Variants in STAB2 observed in about 807,000 individuals in gnomAD.
STAB2 encodes the protein stabilin-2.
In STAB2, 288 loss-of-function variants were observed where a neutral mutation model predicts 338.1. That is an observed-to-expected ratio of 0.85 (90% confidence interval 0.77 to 0.94). The LOEUF is 0.94. Among genes scored for constraint, STAB2 ranks in the 40% least tolerant of loss-of-function variants. STAB2 has a pLI of 0.00. For missense variants in STAB2, 3,141 were observed against 3,210.1 expected (o/e 0.98, Z 0.52); for synonymous variants, 1,202 against 1,193.3 (o/e 1.01, Z -0.15).
At chr12:103,714,530 T>C (rs1880145798) in intron 42 of STAB2, among the ~76,000 whole-genome samples, 1 of 152,038 alleles carries the variant, frequency 6.6e-6, no homozygotes, top group Non-Finnish European at 1.5e-5. Flanking sequence ...AAACCACATC[T>C]CTACTAAAAA....
At chr12:103,670,357 G>A (rs1565999903) in intron 21 of STAB2, among the ~76,000 whole-genome samples, 1 of 152,194 alleles carries the variant, frequency 6.6e-6, no homozygotes, top group South Asian at 2.1e-4. Context: ...TGGAGTCACA[G>A]AGCTGAGCAG....
intron 19 of STAB2, among the ~76,000 whole-genome samples, chr12:103,667,279 G>T (rs1875200436): frequency 6.6e-6 from 1 of 152,208 alleles, no homozygotes; most frequent in African/African-American, 2.4e-5. Context: ...GTCAAGCAGG[G>T]AATGTGAGAG....
chr12:103,615,630 C>G (rs1316600849), intron 3 of STAB2, among the ~76,000 whole-genome samples: 1 of 152,152 alleles, frequency 6.6e-6, no homozygotes, highest in Non-Finnish European at 1.5e-5. Flanking sequence ...TTAGTCCATT[C>G]TCACACTGCT....
At chr12:103,693,028 AT>A (rs1878091241) in intron 31 of STAB2, 139 bp downstream of exon 31, 1 of 570,766 alleles carries the variant, frequency 1.8e-6, no homozygotes, top group African/African-American at 1.9e-5. Context: ...CATGACTTTT[AT>A]TTTAAAACCA....
intron 21 of STAB2, among the ~76,000 whole-genome samples, chr12:103,669,999 T>A (rs1875594904): frequency 6.6e-6 from 1 of 152,234 alleles, no homozygotes; most frequent in African/African-American, 2.4e-5. Flanking sequence ...GCCTCCTGAT[T>A]GCTTTTTTGA....
intron 6 of STAB2, 103 bp downstream of exon 6, chr12:103,631,796 CT>C: frequency 9.4e-7 from 1 of 1,058,454 alleles, no homozygotes; most frequent in Non-Finnish European, 1.4e-6. Context: ...GGGCAAGGTA[CT>C]ACCAAAAGTT....
chr12:103,713,819 C>T (rs1880080984), intron 42 of STAB2, 51 bp downstream of exon 42: 4 of 1,603,770 alleles, frequency 2.5e-6, no homozygotes, highest in Non-Finnish European at 3.4e-6. Flanking sequence ...AGTCATAGCC[C>T]TATTAAATGA....
rs146232036 is a variant in STAB2 at position 103,614,939 on chromosome 12, T to C, written c.332-5529T>C. On this transcript the variant is annotated intron_variant, in intron 3 of 68. Transcript: ENST00000388887. ...ATCCCTATTTGGTAGGTGTTAAGTG[T>C]CAGGTTTTGCATAAAATTGTAGCAG... Among the ~76,000 whole-genome samples, 438 of 152,326 alleles carry C rather than the reference T, an allele frequency of 2.9e-3. 3 individuals carry two copies. Among genetic ancestry groups the C allele is most frequent in the African/African-American group, 9.5e-3 (393 of 41,572 alleles).
chr12:103,697,143 T>A (rs1317037475), intron 33 of STAB2, among the ~76,000 whole-genome samples: 1 of 152,200 alleles, frequency 6.6e-6, no homozygotes, highest in East Asian at 1.9e-4. Context: ...CCTGGCCACC[T>A]GAGGTGAGCT....
intron 23 of STAB2, 106 bp downstream of exon 23, chr12:103,674,193 A>T: frequency 7.8e-7 from 1 of 1,282,932 alleles, no homozygotes; most frequent in Admixed American, 2.2e-5. Flanking sequence ...CCCATATCTG[A>T]ACTCTGAACT....
chr12:103,761,663 C>A (rs1884551482), intron 66 of STAB2, among the ~76,000 whole-genome samples: 1 of 152,082 alleles, frequency 6.6e-6, no homozygotes, highest in Non-Finnish European at 1.5e-5. Flanking sequence ...GGATGGGCCA[C>A]CAAAGGAAGC....
rs1214196444 is a variant in STAB2, at chr12:103,669,625, C to T, written c.2257C>T (p.Gln753Ter). Residue 753 changes from glutamine to a stop codon, truncating the protein, a stop_gained and splice_region_variant, in exon 21 of 69, where the codon CAG becomes TAG. Coordinates refer to ENST00000388887, the MANE Select transcript of STAB2 (RefSeq NM_017564.10). LOFTEE classifies it high-confidence loss of function. ...CTCAAATCCATGCTCAGGAAATGGACAGGTGAATACTGAAGACTGGCCTTC... is the reference window on the plus strand; with the variant it reads ...CTCAAATCCATGCTCAGGAAATGGATAGGTGAATACTGAAGACTGGCCTTC... Reference protein sequence around the residue: ...GFSNPCSGNGQCADSLGGNGT... With the variant: ...GFSNPCSGNG The T allele has an allele frequency of 6.2e-7, 1 of 1,613,612 alleles. No homozygotes were observed. The highest frequency in any genetic ancestry group is 8.5e-7 in the Non-Finnish European group (1 of 1,179,568).
Position 103,756,642 on chromosome 12 carries a change from G to A in STAB2, c.6987+924G>A, listed in dbSNP as rs1884122531. Among the ~76,000 whole-genome samples the A allele has an allele frequency of 2.0e-5, 3 of 152,152 alleles. 1 individual carries two copies. In the South Asian group the frequency reaches 6.2e-4, roughly 32 times the overall value. On this transcript the variant is annotated intron_variant, in intron 63 of 68. Transcript: ENST00000388887. The stretch of plus-strand genomic sequence containing the variant: ...TGCCTGGTTCCAGCCTCCCCCTCAT[G>A]CTTTCGAGTACGGAACAAGGACAGC...
rs1416432943 is a variant in STAB2, at chr12:103,690,493, A to C, written c.3252A>C (p.Ala1084=). ...LQTLSSSDML[A]TSLQGNFLHL... ...CCCTGTCTTCTTCTGACATGTTGGC[A>C]ACATCTTTGCAGGGCAACTTCCTTC... The change falls in exon 30 of 69, where the codon GCA becomes GCC. Residue 1084 remains alanine (A), a synonymous_variant. Transcript: ENST00000388887. 1 of 1,614,026 alleles carries C rather than the reference A, an allele frequency of 6.2e-7. No homozygotes were observed. Among genetic ancestry groups the C allele is most frequent in the Non-Finnish European group, 8.5e-7 (1 of 1,179,976 alleles).
rs1026416680 is a variant in STAB2 at position 103,690,123 on chromosome 12, C to A, written c.3182+141C>A. On this transcript the variant is annotated intron_variant, in intron 29 of 68. Transcript: ENST00000388887. ...TTCTAGGATTCTCCTTTCCTCCCAC[C>A]CCAGGATAGTAATAGTCAACAATTG... The A allele has an allele frequency of 4.0e-6, 5 of 1,237,424 alleles. No individual in the cohort carries two copies. In the South Asian group the frequency reaches 6.1e-5, roughly 15 times the overall value. The allele number at this position is 1,237,424 out of a possible 1,614,324, so 76.7% of individuals were successfully genotyped here. A position where few individuals can be genotyped will look rare whatever the true frequency, so the allele number is the denominator to read the frequency against.
intron 3 of STAB2, among the ~76,000 whole-genome samples, chr12:103,607,360 C>G (rs1957045335): frequency 6.7e-6 from 1 of 148,788 alleles, no homozygotes; most frequent in African/African-American, 2.5e-5. Context: ...TCTCTCCATG[C>G]TTCATTTTGG....
At chr12:103,666,194 C>T (rs1875080915) in intron 18 of STAB2, 97 bp from the exon 19 acceptor site, 2 of 1,223,564 alleles carry the variant, frequency 1.6e-6, no homozygotes, top group South Asian at 1.2e-5. Context: ...AGTGGGGTTT[C>T]CTTCACAGGG....
At chr12:103,730,970 A>G (rs1881589378) in intron 49 of STAB2, among the ~76,000 whole-genome samples, 1 of 152,206 alleles carries the variant, frequency 6.6e-6, no homozygotes, top group Non-Finnish European at 1.5e-5. Flanking sequence ...GAATCACCTC[A>G]TCCCAGGATC....
rs200959680 is a variant in STAB2 at position 103,753,317 on chromosome 12, C to T, written c.6678C>T (p.Thr2226=). 173 of 1,614,134 alleles carry T rather than the reference C, an allele frequency of 1.1e-4. No homozygotes were observed. Among genetic ancestry groups the T allele is most frequent in the Middle Eastern group, 1.6e-4 (1 of 6,084 alleles). Residue 2226 remains threonine, a synonymous_variant, in exon 61 of 69, where the codon ACC becomes ACT. Coordinates refer to ENST00000388887, the MANE Select transcript of STAB2 (RefSeq NM_017564.10). ...AGGCCTGTGCCAACGAAGCTGCGAC[C>T]ATGGCAACCTACAACCAGCTCTCCT... ...AREACANEAA[T]MATYNQLSYA...
Sources: gnomAD v4.1 joint callset for allele counts (sites outside exome capture counted in the v4.1 genomes callset) on GRCh38, gnomAD v4.1.1 for gene constraint, MANE v1.5 for transcripts, NCBI Gene and HGNC (gene_info 2026-07-23, HGNC 2026-07-21) for gene names.